MYO15A: variants seen among roughly 807,000 people sequenced by gnomAD.
MYO15A encodes myosin XVA.
MYO15A carries 308 observed loss-of-function variants against 394.6 expected under a neutral mutation model. The observed-to-expected ratio is 0.78, with a 90% CI of 0.71 to 0.86. The LOEUF (loss-of-function observed/expected upper bound fraction) is 0.86. Among genes scored for constraint, MYO15A ranks in the 40% least tolerant of loss-of-function variants. The pLI, the probability that MYO15A is intolerant of heterozygous loss-of-function variation, is 0.00. For synonymous variants in MYO15A, 1,957 were observed against 2,003.8 expected, an observed-to-expected ratio of 0.98 and a Z score of 0.62; for missense variants, 4,606 against 4,799.1, an observed-to-expected ratio of 0.96 and a Z score of 1.19.
At position 18,149,527 on chromosome 17, in the gene MYO15A, C is replaced by G; in HGVS notation, c.7159C>G (p.Leu2387Val). 1 of 1,614,228 alleles carries G rather than the reference C, an allele frequency of 6.2e-7. No homozygotes were observed. Reference protein sequence around the residue: ...LGEPAVPHKGLDCYLDSLFDP... With the variant: ...LGEPAVPHKGVDCYLDSLFDP... ...AGAGCCTGCTGTGCCCCACAAGGGG[C>G]TGGACTGCTACCTGGATAGCCTCTT... is the stretch of plus-strand genomic sequence containing the variant. The change falls in exon 35 of 66, where the codon CTG becomes GTG. Residue 2387 changes from leucine to valine, a missense_variant. Physicochemically the swap from Leu to Val is conservative, Grantham distance 32 (BLOSUM62 1). Around this residue, in one of 2 missense-constraint regions of MYO15A, gnomAD observed 2,776 missense variants for 3,109.3 expected, o/e 0.89. Transcript: ENST00000647165.
chr17:18,167,793 T>C (rs1300481714), intron 62 of MYO15A, 70 bp downstream of exon 62: 1 of 1,590,654 alleles, frequency 6.3e-7, no homozygotes, highest in Non-Finnish European at 8.5e-7. Context: ...ACCTCCACCC[T>C]CCTCAGAGCT....
rs199913622 is a variant in MYO15A at position 18,148,079 on chromosome 17, G to C, written c.6560G>C (p.Arg2187Pro). Reference sequence around the variant, plus strand: ...GGCTTCCAGGCTGTGTGTCAGCACCGCCTCATGCAGGCCATGGGCCGGGCC... The same window carrying C: ...GGCTTCCAGGCTGTGTGTCAGCACCCCCTCATGCAGGCCATGGGCCGGGCC... ...RNGFQAVCQHRLMQAMGRAQQ... is the reference protein window; with the variant it reads ...RNGFQAVCQHPLMQAMGRAQQ... Residue 2187 changes from arginine to proline, a missense_variant, in exon 31 of 66, where the codon CGC (arginine) becomes CCC (proline). Physicochemically the swap from Arg to Pro is moderately radical, Grantham distance 103 (BLOSUM62 -2). This residue lies in a region of MYO15A where 2,776 missense variants were observed against 3,109.3 expected (regional missense o/e 0.89). Transcript: ENST00000647165. This position sits in a 1 kb window ranked among gnomAD's most constrained non-coding sequence, Gnocchi z 4.8. 1 of 1,613,912 alleles carries C rather than the reference G, an allele frequency of 6.2e-7. No homozygotes were observed.
In MYO15A at chr17:18,133,384, G is replaced by C. The variant is rs544994322; in HGVS notation, c.4480G>C (p.Glu1494Gln). ...GGGCAACGTCTACTTTGAGAAGTAT[G>C]AGGTGAGGGGACGCCACAGCCTGCC... ...HLGNVYFEKY[E>Q]TDAQEVASVV... is the part of the protein sequence containing the mutation. The change falls in exon 12 of 66, where the codon GAG becomes CAG. Residue 1494 changes from glutamate to glutamine, a missense_variant and splice_region_variant. By Grantham distance (29) the Glu-to-Gln change is conservative (BLOSUM62 2). Coordinates refer to ENST00000647165, the MANE Select transcript of MYO15A (RefSeq NM_016239.4). The C allele has an allele frequency of 1.2e-6, 2 of 1,613,996 alleles. No individual in the cohort carries two copies. The highest frequency in any genetic ancestry group is 2.2e-5 in the South Asian group (2 of 91,076).
chr17:18,135,616 C>T (rs1049361150), intron 12 of MYO15A, 95 bp from the exon 13 acceptor site: 1 of 1,222,030 alleles, frequency 8.2e-7, no homozygotes, highest in Non-Finnish European at 1.2e-6. Flanking sequence ...GCTGGGACTA[C>T]TGGCATGAGC....
intron 57 of MYO15A, 79 bp from the exon 58 acceptor site, chr17:18,162,506 C>T: frequency 7.7e-7 from 1 of 1,293,712 alleles, no homozygotes; most frequent in Non-Finnish European, 1.1e-6. Flanking sequence ...GCAGTGGGCT[C>T]ATGGTTGGTG....
At chr17:18,159,022 C>T (rs1438216664) in intron 53 of MYO15A, 25 bp downstream of exon 53, 1 of 1,611,324 alleles carries the variant, frequency 6.2e-7, no homozygotes, top group African/African-American at 1.3e-5. Flanking sequence ...ACCTCAGTTT[C>T]CCCATCTGTA....
At position 18,148,547 on chromosome 17, in the gene MYO15A, C is replaced by T. The variant is rs199831544; in HGVS notation, c.6743C>T (p.Ala2248Val). The T allele has an allele frequency of 1.3e-3, 2,067 of 1,552,474 alleles. 31 individuals are homozygous for T. In the South Asian group the frequency reaches 0.018, roughly 14 times the overall value. Residue 2248 changes from alanine to valine, a missense_variant, in exon 32 of 66, where the codon GCT becomes GTT. Physicochemically the swap from Ala to Val is moderately conservative, Grantham distance 64. Around this residue, in one of 2 missense-constraint regions of MYO15A, gnomAD observed 2,776 missense variants for 3,109.3 expected, o/e 0.89. Transcript: ENST00000647165. The surrounding 1 kb of genome is among the most constrained non-coding windows in gnomAD (Gnocchi z 4.8). ...VHSWSTGEEV[A>V]GDILRHRGLA... ...TCCTGGAGTACGGGGGAAGAGGTGG[C>T]TGGAGACATTCTGAGGCACAGGTTG...
intron 17 of MYO15A, 71 bp from the exon 18 acceptor site, chr17:18,138,740 A>G: frequency 7.6e-6 from 12 of 1,586,824 alleles, no homozygotes; most frequent in Non-Finnish European, 1.0e-5. Flanking sequence ...GGGGATAGTG[A>G]GGTTGCCACC....
chr17:18,156,646 C>G (rs1355676598), intron 48 of MYO15A, among the ~76,000 whole-genome samples: 1 of 152,354 alleles, frequency 6.6e-6, no homozygotes, highest in Admixed American at 6.5e-5. Context: ...CCTCTGCCCA[C>G]TCCTGACTGG....
chr17:18,143,625 T>C lies in MYO15A; in HGVS notation c.5964+6T>C. 6.4e-7 allele frequency: 1 copy of C among 1,567,092 alleles called. No homozygotes were observed. Among genetic ancestry groups the C allele is most frequent in the African/African-American group, 1.4e-5 (1 of 73,958 alleles). Reference sequence around the variant, plus strand: ...CGCTGCTGTGGGAGCAGGAGGTGGGTGTGGGTCTGGGTGGCAGCAGGGCCA... The same window carrying C: ...CGCTGCTGTGGGAGCAGGAGGTGGGCGTGGGTCTGGGTGGCAGCAGGGCCA... On this transcript the variant is annotated splice_donor_region_variant and intron_variant, in intron 26 of 65. Coordinates refer to ENST00000647165, the MANE Select transcript of MYO15A (RefSeq NM_016239.4).
At chr17:18,157,252 A>G (rs1407786267) in intron 50 of MYO15A, 22 bp downstream of exon 50, 1 of 1,587,582 alleles carries the variant, frequency 6.3e-7, no homozygotes, top group Non-Finnish European at 8.6e-7. Flanking sequence ...AGAACCTGGA[A>G]CCCCATACGG....
Position 18,120,904 on chromosome 17 carries a change from C to T in MYO15A, c.2104C>T (p.Pro702Ser). 7.1e-7 allele frequency: 1 copy of T among 1,409,960 alleles called. No individual in the cohort carries two copies. Among genetic ancestry groups the T allele is most frequent in the Non-Finnish European group, 9.2e-7 (1 of 1,086,228 alleles). The allele number at this position is 1,409,960 out of a possible 1,614,324, so 87.3% of individuals were successfully genotyped here. The change falls in exon 2 of 66, where the codon CCG (proline) becomes TCG (serine). Residue 702 changes from proline (P) to serine (S), a missense_variant. Pro to Ser is a moderately conservative substitution (Grantham distance 74, BLOSUM62 -1). This residue lies in a region of MYO15A where 1,830 missense variants were observed against 1,689.7 expected (regional missense o/e 1.08). Transcript: ENST00000647165. ...SPYGSLRRHP[P>S]PWAAPAHVPP... ...CTACGGCTCCCTCCGCCGCCACCCG[C>T]CGCCCTGGGCCGCCCCAGCGCACGT...
chr17:18,178,998 CAGG>C lies in MYO15A; in HGVS notation c.*134_*136del. 1 of 908,620 alleles carries C rather than the reference CAGG, an allele frequency of 1.1e-6. No homozygotes were observed. The highest frequency in any genetic ancestry group is 1.7e-6 in the Non-Finnish European group (1 of 576,386). The allele number at this position is 908,620 out of a possible 1,614,324, so 56.3% of individuals were successfully genotyped here. A position where few individuals can be genotyped will look rare whatever the true frequency, so the allele number is the denominator to read the frequency against. ...AGCCTTGGAGGACACTAAGAGGAGG[CAGG>C]AGGAGCAACTCAAATCCCCAAGAAC... On this transcript the variant is annotated 3_prime_UTR_variant, in exon 66 of 66. Transcript: ENST00000647165.
At chr17:18,124,129 A>C in intron 2 of MYO15A, 1 of 356,636 alleles carries the variant, frequency 2.8e-6, no homozygotes, top group African/African-American at 2.1e-5. Flanking sequence ...TTGAGTTGTC[A>C]CACAAGCCAA....
rs774630083 is a variant in MYO15A at position 18,143,922 on chromosome 17, C to G, written c.6099C>G (p.Leu2033=). 47 of 1,607,556 alleles carry G rather than the reference C, an allele frequency of 2.9e-5. No homozygotes were observed. In the South Asian group the frequency reaches 5.2e-4, roughly 18 times the overall value. The stretch of plus-strand genomic sequence containing the variant: ...TGGCCCCTGTGAGGACTCCTCGACT[C>G]CAGGCTGAGCCCCGTGTCACACTGC... ...PQVAPVRTPR[L]QAEPRVTLPL... Residue 2033 remains leucine, a synonymous_variant, in exon 28 of 66, where the codon CTC becomes CTG. Transcript: ENST00000647165.
chr17:18,160,090 C>A, intron 56 of MYO15A, 73 bp downstream of exon 56: 1 of 1,444,840 alleles, frequency 6.9e-7, no homozygotes, highest in Non-Finnish European at 9.5e-7. Flanking sequence ...TTCAGCCTCC[C>A]ACCTCCTCAG....
Position 18,151,274 on chromosome 17 carries a change from G to A in MYO15A, c.7638G>A (p.Gln2546=). 1 of 1,614,164 alleles carries A rather than the reference G, an allele frequency of 6.2e-7. No individual in the cohort carries two copies. Among genetic ancestry groups the A allele is most frequent in the East Asian group, 2.2e-5 (1 of 44,872 alleles). Residue 2546 remains glutamine (Q), a synonymous_variant, in exon 39 of 66, where the codon CAG becomes CAA. Coordinates refer to ENST00000647165, the MANE Select transcript of MYO15A (RefSeq NM_016239.4). The part of the protein sequence containing the change: ...PVAAPVLAQD[Q]ASPETTSPSP... Reference sequence around the variant, plus strand: ...CTGCCCCTGTTCTAGCTCAGGATCAGGCTTCTCCAGAAACCAGTGAGTGCC... The same window carrying A: ...CTGCCCCTGTTCTAGCTCAGGATCAAGCTTCTCCAGAAACCAGTGAGTGCC...
chr17:18,170,222 G>A lies in MYO15A; in HGVS notation c.10083-1416G>A, dbSNP rs912406754. Among the ~76,000 whole-genome samples, 9 of 151,832 alleles carry A rather than the reference G, an allele frequency of 5.9e-5. No individual in the cohort carries two copies. In the East Asian group the frequency reaches 7.7e-4, roughly 13 times the overall value. On this transcript the variant is annotated intron_variant, in intron 62 of 65. Transcript: ENST00000647165. ...GATGAAAATGATTTTCAACCCCCTC[G>A]ACCACACTTTGAGAACCCCTGGAAA...
Position 18,153,328 on chromosome 17 carries a change from C to G in MYO15A, c.7967-447C>G. The G allele has an allele frequency of 6.5e-6, 1 of 153,574 alleles. No homozygotes were observed. The highest frequency in any genetic ancestry group is 1.4e-5 in the Non-Finnish European group (1 of 69,002). 9.5% of individuals were successfully genotyped at this position (153,574 alleles called of 1,614,324 possible). ...ATGAAAGGCTGGGTCATATGTGACC[C>G]TTGTGAGCAGCTGTTTCCGTGGACT... is the stretch of plus-strand genomic sequence containing the variant. On this transcript the variant is annotated intron_variant, in intron 42 of 65. Coordinates refer to ENST00000647165, the MANE Select transcript of MYO15A (RefSeq NM_016239.4). This position sits in a 1 kb window ranked among gnomAD's most constrained non-coding sequence, Gnocchi z 4.1.
Sources: gnomAD v4.1 joint callset for allele counts (sites outside exome capture counted in the v4.1 genomes callset) on GRCh38, gnomAD v4.1.1 for gene constraint, gnomAD v4.1.1 regional missense constraint, Gnocchi (gnomAD v3.1) non-coding constraint, MANE v1.5 for transcripts, NCBI Gene and HGNC (gene_info 2026-07-23, HGNC 2026-07-21) for gene names.